The following SLC5A11 variants were observed in gnomAD, a reference collection of about 807,000 sequenced individuals.
SLC5A11 encodes the protein sodium/myo-inositol cotransporter 2.
In SLC5A11, 48 loss-of-function variants were observed where a neutral mutation model predicts 69.8. The observed-to-expected ratio is 0.69, with a 90% CI of 0.55 to 0.87. The LOEUF (loss-of-function observed/expected upper bound fraction) is 0.87, where lower values mean the gene tolerates loss of function less well. Ranked by LOEUF, SLC5A11 falls within the 40% of genes least tolerant of loss-of-function variation. The pLI is 0.00. For missense variants in SLC5A11, 784 were observed against 866.1 expected, an observed-to-expected ratio of 0.91 and a Z score of 1.19; for synonymous variants, 319 against 342.4, an observed-to-expected ratio of 0.93 and a Z score of 0.75.
intron 7 of SLC5A11, among the ~76,000 whole-genome samples, chr16:24,881,948 C>G (rs1490305877): frequency 6.6e-6 from 1 of 152,146 alleles, no homozygotes; most frequent in Non-Finnish European, 1.5e-5. Context: ...ATTGGATGCT[C>G]TAAACAGAAA....
chr16:24,862,990 A>G (rs1287785206), intron 3 of SLC5A11, among the ~76,000 whole-genome samples: 1 of 140,334 alleles, frequency 7.1e-6, no homozygotes, highest in Non-Finnish European at 1.5e-5. Context: ...TATATAATAT[A>G]TAATCATATA....
chr16:24,870,267 G>A (rs1018228015), intron 4 of SLC5A11, among the ~76,000 whole-genome samples: 120 of 151,394 alleles, frequency 7.9e-4, no homozygotes, highest in African/African-American at 2.7e-3. Context: ...AATGGCGGGC[G>A]CCGTAATCCC....
intron 1 of SLC5A11, among the ~76,000 whole-genome samples, chr16:24,847,715 GTCCTAGCCCATTGGGCA>G (rs1261021939): frequency 2.6e-5 from 4 of 152,204 alleles, no homozygotes; most frequent in Non-Finnish European, 5.9e-5. Context: ...TGACAGAAGT[GTCCTAGCCCATTGGGCA>G]TCCTGCAGAT....
chr16:24,865,256 T>A (rs528950570), intron 3 of SLC5A11, among the ~76,000 whole-genome samples: 1 of 152,286 alleles, frequency 6.6e-6, no homozygotes, highest in African/African-American at 2.4e-5. Flanking sequence ...AGAGGAACAA[T>A]CCATTACATA....
intron 9 of SLC5A11, among the ~76,000 whole-genome samples, chr16:24,892,498 A>G (rs921681287): frequency 2.6e-5 from 4 of 151,748 alleles, no homozygotes; most frequent in African/African-American, 9.7e-5. Flanking sequence ...TTATATGTCC[A>G]TAAACTCTGG....
chr16:24,885,766 T>C (rs917905797), intron 8 of SLC5A11, among the ~76,000 whole-genome samples: 1 of 151,486 alleles, frequency 6.6e-6, no homozygotes, highest in Non-Finnish European at 1.5e-5. Context: ...CTGAAAATTA[T>C]ATATTTTAGG....
rs142923943 is a variant in SLC5A11 at position 24,846,613 on chromosome 16, G to A, written c.-25+175G>A. On this transcript the variant is annotated intron_variant, in intron 1 of 15. Coordinates refer to ENST00000347898, the Ensembl canonical transcript of SLC5A11. ...ACAATGGAGTGTGTTTGTGGGGTGG[G>A]CATGGTGGTATGAAGCCAGCAGCCG... The A allele has an allele frequency of 1.7e-3, 266 of 152,738 alleles. 1 individual carries two copies. The highest frequency in any genetic ancestry group is 6.8e-3 in the Middle Eastern group (2 of 294). 9.5% of individuals were successfully genotyped at this position (152,738 alleles called of 1,614,324 possible). A position where few individuals can be genotyped will look rare whatever the true frequency, so the allele number is the denominator to read the frequency against.
At chr16:24,895,687 G>A (rs2049112363) in intron 9 of SLC5A11, among the ~76,000 whole-genome samples, 1 of 152,114 alleles carries the variant, frequency 6.6e-6, no homozygotes, top group African/African-American at 2.4e-5. Flanking sequence ...CCGGCTGAAT[G>A]TGCTGTGTCC....
At chr16:24,911,229 TA>T in intron 15 of SLC5A11, 98 bp from the exon 17 acceptor site, 1 of 1,145,828 alleles carries the variant, frequency 8.7e-7, no homozygotes, top group Non-Finnish European at 1.3e-6. Context: ...TTCACGCCTG[TA>T]ATCCCAGCAC....
chr16:24,908,029 C>G (rs751931480), exon 13 of SLC5A11: 1 of 1,613,714 alleles, frequency 6.2e-7, no homozygotes, highest in Non-Finnish European at 8.5e-7. Context: ...CCAGCCAGGG[C>G]GGCCAGCTCT....
chr16:24,878,204 GT>G (rs2047811823), intron 7 of SLC5A11, among the ~76,000 whole-genome samples: 1 of 152,172 alleles, frequency 6.6e-6, no homozygotes, highest in African/African-American at 2.4e-5. Context: ...ATGGCATAAT[GT>G]TTTTTCCCAT....
At chr16:24,887,374 A>G (rs934470651) in intron 8 of SLC5A11, among the ~76,000 whole-genome samples, 1 of 152,204 alleles carries the variant, frequency 6.6e-6, no homozygotes, top group Non-Finnish European at 1.5e-5. Context: ...TTTAATAAAA[A>G]TTGGATCTAA....
intron 3 of SLC5A11, among the ~76,000 whole-genome samples, chr16:24,868,576 G>A (rs2047067816): frequency 7.2e-6 from 1 of 139,176 alleles, no homozygotes; most frequent in Admixed American, 7.7e-5. Flanking sequence ...TCCAGCCTGG[G>A]AGACAGCAAG....
Position 24,850,326 on chromosome 16 carries a change from C to T in SLC5A11, c.-25+3888C>T, listed in dbSNP as rs186008196. Among the ~76,000 whole-genome samples the T allele has an allele frequency of 5.3e-5, 8 of 152,338 alleles. No individual in the cohort carries two copies. The East Asian group carries it at 1.5e-3, about 29-fold the overall frequency. On this transcript the variant is annotated intron_variant, in intron 1 of 15. Coordinates refer to ENST00000347898, the Ensembl canonical transcript of SLC5A11. The stretch of plus-strand genomic sequence containing the variant: ...CCATGGCATCAACGGGTGGAGGAGG[C>T]CAGGGGTGGTCATTTAGCTCCTTAT...
chr16:24,908,848 C>A (rs199527214), intron 13 of SLC5A11, 33 bp from the exon 15 acceptor site: 3 of 1,600,130 alleles, frequency 1.9e-6, no homozygotes, highest in East Asian at 2.2e-5. Context: ...GAGCCCTTGG[C>A]GTCTCTAAGA....
At chr16:24,884,632 G>GTT (rs10716696) in intron 8 of SLC5A11, among the ~76,000 whole-genome samples, 6 of 137,160 alleles carry the variant, frequency 4.4e-5, no homozygotes, top group African/African-American at 1.6e-4. Context: ...ACCTGGCACT[G>GTT]TTTTTTTTTT....
At chr16:24,904,736 C>T (rs1269889504) in intron 10 of SLC5A11, among the ~76,000 whole-genome samples, 1 of 152,168 alleles carries the variant, frequency 6.6e-6, no homozygotes, top group Admixed American at 6.6e-5. Context: ...GGAAAAAAAC[C>T]CTCTTCTGCT....
At chr16:24,889,543 ATTT>A (rs71156454) in intron 8 of SLC5A11, among the ~76,000 whole-genome samples, 5 of 74,332 alleles carry the variant, frequency 6.7e-5, no homozygotes, top group Admixed American at 2.1e-4. Flanking sequence ...AGGTCTTACA[ATTT>A]TTTTTTTTTT....
At chr16:24,850,380 T>C (rs1488917503) in intron 1 of SLC5A11, among the ~76,000 whole-genome samples, 1 of 152,188 alleles carries the variant, frequency 6.6e-6, no homozygotes, top group African/African-American at 2.4e-5. Flanking sequence ...AGACAGCCCT[T>C]CTCTGCCTTC....
Sources: gnomAD v4.1 joint callset for allele counts (sites outside exome capture counted in the v4.1 genomes callset) on GRCh38, gnomAD v4.1.1 for gene constraint, MANE v1.5 for transcripts, NCBI Gene and HGNC (gene_info 2026-07-23, HGNC 2026-07-21) for gene names.